Variants in PRPF18 observed in about 807,000 individuals in gnomAD.
PRPF18 encodes pre-mRNA-splicing factor 18.
Under a neutral mutation model 46.5 loss-of-function variants are expected in PRPF18, and 38 were observed. The ratio of observed to expected loss-of-function variants is 0.82; its 90% CI spans 0.63 to 1.07. The LOEUF (loss-of-function observed/expected upper bound fraction) is 1.07, where lower values mean the gene tolerates loss of function less well. Ranked by LOEUF, PRPF18 falls within the 50% of genes least tolerant of loss-of-function variation. PRPF18 has a pLI of 0.00. For missense variants in PRPF18, 263 were observed against 410.0 expected, an observed-to-expected ratio of 0.64 and a Z score of 3.10; for synonymous variants, 152 against 146.7, an observed-to-expected ratio of 1.04 and a Z score of -0.26.
intron 4 of PRPF18, among the ~76,000 whole-genome samples, chr10:13,606,942 T>C (rs1010588691): frequency 1.3e-5 from 2 of 152,166 alleles, no homozygotes; most frequent in Non-Finnish European, 2.9e-5. Flanking sequence ...GCATGTGGTA[T>C]TGTTAGTCTT....
intron 1 of PRPF18, chr10:13,592,376 G>C: frequency 3.9e-6 from 1 of 258,170 alleles, no homozygotes; most frequent in Non-Finnish European, 7.5e-6. Context: ...TAGAAAACAC[G>C]GGTCAGGGAT....
At chr10:13,627,738 A>G (rs1027676238) in intron 9 of PRPF18, among the ~76,000 whole-genome samples, 1 of 152,242 alleles carries the variant, frequency 6.6e-6, no homozygotes, top group African/African-American at 2.4e-5. Context: ...TTTTTAAATC[A>G]TAGAATCTGC....
At chr10:13,589,007 C>T (rs2079918421) in intron 1 of PRPF18, among the ~76,000 whole-genome samples, 1 of 152,214 alleles carries the variant, frequency 6.6e-6, no homozygotes, top group African/African-American at 2.4e-5. Context: ...ATGCAGGTCT[C>T]CCACCTGTTG....
chr10:13,587,491 C>T (rs575260602), intron 1 of PRPF18, among the ~76,000 whole-genome samples: 7 of 152,374 alleles, frequency 4.6e-5, no homozygotes, highest in African/African-American at 1.4e-4. Flanking sequence ...CATCTTCCCA[C>T]CACCGAGTAG....
intron 9 of PRPF18, among the ~76,000 whole-genome samples, chr10:13,627,708 A>G (rs2080529279): frequency 1.3e-5 from 2 of 152,244 alleles, no homozygotes; most frequent in Non-Finnish European, 2.9e-5. Flanking sequence ...CTAAGATTTC[A>G]GGGAGAACAC....
chr10:13,647,152 G>GTCTT, the PRPF18 span: 1 of 158,736 alleles, frequency 6.3e-6, no homozygotes. Context: ...CTAATCACGA[G>GTCTT]TCTTTCCTGT....
chr10:13,605,340 T>G (rs925047934), intron 3 of PRPF18, among the ~76,000 whole-genome samples: 7 of 152,210 alleles, frequency 4.6e-5, no homozygotes, highest in African/African-American at 1.7e-4. Context: ...TCCCAGCACT[T>G]TGGGAGCCCG....
At chr10:13,612,391 G>A (rs938696133) in intron 6 of PRPF18, among the ~76,000 whole-genome samples, 1 of 152,004 alleles carries the variant, frequency 6.6e-6, no homozygotes, top group Non-Finnish European at 1.5e-5. Context: ...TCCTGCCTCA[G>A]CCTCTCAAGT....
At chr10:13,622,845 T>G (rs2080439257) in intron 9 of PRPF18, among the ~76,000 whole-genome samples, 1 of 152,190 alleles carries the variant, frequency 6.6e-6, no homozygotes, top group African/African-American at 2.4e-5. Context: ...GATCAGTAAT[T>G]TAAAAGTCTA....
rs767070219 is a variant in PRPF18 at position 13,597,698 on chromosome 10, A to T, written c.144+163A>T. ...TATGAGTTTTTGTTTTTGCATTTTT[A>T]AAAAAATCTTGAATTCAGGAAAATA... On this transcript the variant is annotated intron_variant, in intron 2 of 9. Transcript: ENST00000378572. 86 of 1,579,082 alleles carry T rather than the reference A, an allele frequency of 5.4e-5. 1 individual carries two copies. The South Asian group carries it at 6.9e-4, about 13-fold the overall frequency.
At chr10:13,587,735 G>A (rs891343581) in intron 1 of PRPF18, among the ~76,000 whole-genome samples, 36 of 152,214 alleles carry the variant, frequency 2.4e-4, no homozygotes, top group Non-Finnish European at 4.6e-4. Context: ...TGTAACCGGG[G>A]CCTCGAGCCG....
chr10:13,628,662 T>C (rs550753525), intron 9 of PRPF18, among the ~76,000 whole-genome samples: 1 of 152,342 alleles, frequency 6.6e-6, no homozygotes, highest in East Asian at 1.9e-4. Context: ...TGTTGTCTGC[T>C]TACTATGGGA....
chr10:13,635,389 A>G (rs976932003), downstream of PRPF18, among the ~76,000 whole-genome samples: 4 of 152,180 alleles, frequency 2.6e-5, no homozygotes, highest in Admixed American at 2.0e-4. Context: ...AGAATGATTT[A>G]TATTCCTTTG....
chr10:13,599,058 G>A (rs2080071602), intron 2 of PRPF18, among the ~76,000 whole-genome samples: 2 of 152,256 alleles, frequency 1.3e-5, no homozygotes, highest in African/African-American at 2.4e-5. Flanking sequence ...ATAATTAAAT[G>A]TGTTTTTAAT....
At chr10:13,597,906 T>G (rs1293510938) in intron 2 of PRPF18, among the ~76,000 whole-genome samples, 1 of 152,072 alleles carries the variant, frequency 6.6e-6, no homozygotes, top group African/African-American at 2.4e-5. Flanking sequence ...TTGGAAAGAC[T>G]TCAAAACATT....
the PRPF18 span, chr10:13,651,551 C>T: frequency 1.4e-3 from 325 of 224,978 alleles, 1 homozygote; most frequent in African/African-American, 6.5e-3. Flanking sequence ...AAATTAGCCA[C>T]GCATGCACCT....
At chr10:13,619,791 G>A (rs1376785477) in intron 9 of PRPF18, among the ~76,000 whole-genome samples, 1 of 151,966 alleles carries the variant, frequency 6.6e-6, no homozygotes, top group Non-Finnish European at 1.5e-5. Flanking sequence ...TAGGAATATG[G>A]TTCCAATGTT....
At chr10:13,651,983 A>G in the PRPF18 span, 2 of 1,514,476 alleles carry the variant, frequency 1.3e-6, no homozygotes, top group African/African-American at 1.4e-5. Context: ...CTCTGAACAA[A>G]GGAAAGCAGG....
intron 3 of PRPF18, among the ~76,000 whole-genome samples, chr10:13,601,583 A>G (rs1394953725): frequency 6.6e-6 from 1 of 152,208 alleles, no homozygotes; most frequent in Non-Finnish European, 1.5e-5. Flanking sequence ...CCTTTCACAC[A>G]AATGAGATGA....
Sources: allele counts gnomAD v4.1 joint callset (sites outside exome capture counted in the v4.1 genomes callset), GRCh38; gene constraint gnomAD v4.1.1; transcripts MANE v1.5; gene names NCBI Gene and HGNC (gene_info 2026-07-23, HGNC 2026-07-21).